SPMIP2: variants seen among roughly 807,000 people sequenced by gnomAD.
The protein encoded by SPMIP2 is protein SPMIP2.
At chr4:158,961,649 A>C in the SPMIP2 span, among the ~76,000 whole-genome samples, 1 of 152,210 alleles carries the variant, frequency 6.6e-6, no homozygotes, top group South Asian at 2.1e-4. Context: ...GTTTTATGCT[A>C]TTCTTATCTT....
At chr4:158,967,877 C>T in the SPMIP2 span, among the ~76,000 whole-genome samples, 1 of 152,158 alleles carries the variant, frequency 6.6e-6, no homozygotes, top group Admixed American at 6.5e-5. Context: ...GAGGGTTTGG[C>T]TTGGTGAGAA....
At chr4:159,077,196 A>C in the SPMIP2 span, among the ~76,000 whole-genome samples, 1 of 150,710 alleles carries the variant, frequency 6.6e-6, no homozygotes, top group Non-Finnish European at 1.5e-5. Flanking sequence ...GCTGGAGTAC[A>C]ATGGTGCGGT....
At chr4:158,988,824 A>G in the SPMIP2 span, among the ~76,000 whole-genome samples, 6 of 152,218 alleles carry the variant, frequency 3.9e-5, no homozygotes, top group African/African-American at 1.4e-4. Flanking sequence ...GAAAACCAGC[A>G]CAAGAATAGG....
chr4:158,896,826 A>C, the SPMIP2 span, among the ~76,000 whole-genome samples: 1 of 145,496 alleles, frequency 6.9e-6, no homozygotes, highest in African/African-American at 2.5e-5. Context: ...CTCATACTTC[A>C]ATCCTGCCTT....
At chr4:159,043,813 G>C in the SPMIP2 span, among the ~76,000 whole-genome samples, 7 of 152,130 alleles carry the variant, frequency 4.6e-5, no homozygotes, top group Admixed American at 4.6e-4. Context: ...CTACAATCCA[G>C]GATTAGTTTC....
At chr4:158,968,907 C>G in the SPMIP2 span, among the ~76,000 whole-genome samples, 3 of 152,174 alleles carry the variant, frequency 2.0e-5, no homozygotes, top group Non-Finnish European at 4.4e-5. Flanking sequence ...GACAGCGGAA[C>G]TTGTGACAGT....
At chr4:158,964,160 AAC>A in the SPMIP2 span, among the ~76,000 whole-genome samples, 127 of 90,822 alleles carry the variant, frequency 1.4e-3, 2 homozygotes, top group African/African-American at 3.7e-3. Flanking sequence ...CTCAAAACAA[AAC>A]AAAACAAAAC....
At chr4:158,909,530 G>A in the SPMIP2 span, 1 of 149,456 alleles carries the variant, frequency 6.7e-6, no homozygotes, top group Non-Finnish European at 1.5e-5. Flanking sequence ...CTTTCTGTAT[G>A]TTACCTCATT....
the SPMIP2 span, among the ~76,000 whole-genome samples, chr4:158,945,178 T>C: frequency 3.3e-5 from 5 of 152,184 alleles, no homozygotes; most frequent in African/African-American, 4.8e-5. Context: ...TCCGCTCTTC[T>C]TGAACCACTC....
chr4:158,943,461 C>T, the SPMIP2 span, among the ~76,000 whole-genome samples: 6 of 152,186 alleles, frequency 3.9e-5, no homozygotes, highest in Non-Finnish European at 7.3e-5. Context: ...ATTCCCATCA[C>T]TCTCATCAGT....
chr4:158,975,433 T>G, the SPMIP2 span, among the ~76,000 whole-genome samples: 1 of 152,340 alleles, frequency 6.6e-6, no homozygotes, highest in Non-Finnish European at 1.5e-5. Flanking sequence ...TGGTTTTAGG[T>G]CTTACATTTA....
chr4:158,950,756 C>T, the SPMIP2 span, among the ~76,000 whole-genome samples: 3 of 151,988 alleles, frequency 2.0e-5, no homozygotes, highest in African/African-American at 7.3e-5. Context: ...ATTAGCCGGT[C>T]GTGGTGGCAG....
chr4:158,904,433 A>T, the SPMIP2 span: 1 of 1,541,494 alleles, frequency 6.5e-7, no homozygotes, highest in Non-Finnish European at 9.0e-7. Flanking sequence ...ATGCTCTTTT[A>T]AAGTAATATT....
At chr4:159,053,002 G>C in the SPMIP2 span, among the ~76,000 whole-genome samples, 1 of 140,594 alleles carries the variant, frequency 7.1e-6, no homozygotes, top group Non-Finnish European at 1.5e-5. Flanking sequence ...TGTCGCCCAG[G>C]CTGGAGTGCA....
chr4:158,925,759 G>A, the SPMIP2 span, among the ~76,000 whole-genome samples: 1 of 152,220 alleles, frequency 6.6e-6, no homozygotes. Flanking sequence ...CACGTCTACA[G>A]CCCAGGGGAT....
At chr4:158,915,360 C>T in the SPMIP2 span, 1 of 1,606,364 alleles carries the variant, frequency 6.2e-7, no homozygotes, top group South Asian at 1.1e-5. Context: ...TTTTGGTTGC[C>T]TGGAATAGGA....
At chr4:158,989,451 G>A in the SPMIP2 span, among the ~76,000 whole-genome samples, 6 of 152,134 alleles carry the variant, frequency 3.9e-5, no homozygotes, top group Non-Finnish European at 8.8e-5. Context: ...GAATAAAGCT[G>A]GAGGCATCAT....
At chr4:158,954,496 A>G in the SPMIP2 span, among the ~76,000 whole-genome samples, 1 of 152,210 alleles carries the variant, frequency 6.6e-6, no homozygotes, top group Non-Finnish European at 1.5e-5. Flanking sequence ...AACTACAAGA[A>G]CACTGTCCCT....
chr4:158,932,436 T>G, the SPMIP2 span, among the ~76,000 whole-genome samples: 3 of 152,302 alleles, frequency 2.0e-5, no homozygotes, highest in African/African-American at 4.8e-5. Context: ...ACCACTGCTC[T>G]TCAGCCTGGG....
Sources: gnomAD v4.1 joint callset for allele counts (sites outside exome capture counted in the v4.1 genomes callset) on GRCh38, gnomAD v4.1.1 for gene constraint, MANE v1.5 for transcripts, NCBI Gene and HGNC (gene_info 2026-07-23, HGNC 2026-07-21) for gene names.